METAP1: variants seen among roughly 807,000 people sequenced by gnomAD.
METAP1 encodes methionine aminopeptidase 1.
In METAP1, 28 loss-of-function variants were observed where a neutral mutation model predicts 53.8. The observed-to-expected ratio is 0.52, with a 90% CI of 0.39 to 0.71. The LOEUF (loss-of-function observed/expected upper bound fraction) is 0.71, where lower values mean the gene tolerates loss of function less well. Ranked by LOEUF, METAP1 falls within the 30% of genes least tolerant of loss-of-function variation. The pLI, the probability that METAP1 is intolerant of heterozygous loss-of-function variation, is 0.00. For synonymous variants in METAP1, 181 were observed against 165.7 expected (o/e 1.09, Z -0.71); for missense variants, 389 against 479.8 (o/e 0.81, Z 1.77).
chr4:99,048,939 A>C, intron 9 of METAP1, 63 bp downstream of exon 9: 2 of 1,531,498 alleles, frequency 1.3e-6, no homozygotes, highest in Non-Finnish European at 1.8e-6. Context: ...TTATTCATAC[A>C]TTTAACAGTA....
chr4:99,055,001 C>T (rs1726992136), intron 9 of METAP1, among the ~76,000 whole-genome samples: 1 of 151,938 alleles, frequency 6.6e-6, no homozygotes, highest in African/African-American at 2.4e-5. Flanking sequence ...CAAATTGTGA[C>T]ACAGAGACAT....
At chr4:99,004,470 CACACACACACACAT>C (rs1294396128) in intron 1 of METAP1, among the ~76,000 whole-genome samples, 492 of 18,024 alleles carry the variant, frequency 0.027, 2 homozygotes, top group African/African-American at 0.07. Flanking sequence ...CACACACACA[CACACACACACACAT>C]ACACACACAC....
intron 7 of METAP1, 31 bp from the exon 8 acceptor site, chr4:99,045,148 A>G (rs1009944550): frequency 3.7e-6 from 6 of 1,601,120 alleles, no homozygotes; most frequent in South Asian, 1.1e-5. Context: ...GAAAATAAGT[A>G]TGGTCTTTAT....
intron 1 of METAP1, among the ~76,000 whole-genome samples, chr4:99,019,845 A>G (rs1029101274): frequency 6.6e-6 from 1 of 152,220 alleles, no homozygotes; most frequent in Non-Finnish European, 1.5e-5. Flanking sequence ...GTGGACTGTC[A>G]GGATCTAAAT....
intron 2 of METAP1, chr4:99,031,439 C>G (rs1725015711): frequency 6.3e-6 from 8 of 1,279,428 alleles, no homozygotes; most frequent in Non-Finnish European, 8.1e-6. Context: ...AATAAAAGAA[C>G]TCTAAGTAAT....
intron 1 of METAP1, among the ~76,000 whole-genome samples, chr4:99,013,410 C>G (rs1320939507): frequency 6.6e-6 from 1 of 152,160 alleles, no homozygotes; most frequent in African/African-American, 2.4e-5. Flanking sequence ...CATTATTCCC[C>G]TAGTTGGAAA....
chr4:99,049,943 A>G (rs1166370613), intron 9 of METAP1, among the ~76,000 whole-genome samples: 2 of 152,180 alleles, frequency 1.3e-5, no homozygotes, highest in East Asian at 1.9e-4. Flanking sequence ...CAATTTTTTT[A>G]AAGCAACTCT....
chr4:99,056,153 A>G (rs1727103015), intron 9 of METAP1, among the ~76,000 whole-genome samples: 5 of 152,200 alleles, frequency 3.3e-5, no homozygotes, highest in Admixed American at 3.3e-4. Flanking sequence ...GGGCGGGCAA[A>G]TTTGCCATTC....
intron 1 of METAP1, 133 bp downstream of exon 1, chr4:98,996,000 C>T (rs1231170885): frequency 2.2e-5 from 16 of 724,350 alleles, no homozygotes; most frequent in Non-Finnish European, 3.5e-5. Flanking sequence ...TTTCCTCCTC[C>T]CCCCACCCGC....
intron 1 of METAP1, among the ~76,000 whole-genome samples, chr4:98,998,879 C>A (rs577503612): frequency 6.6e-6 from 1 of 151,342 alleles, no homozygotes; most frequent in African/African-American, 2.4e-5. Flanking sequence ...GGTGCGATCT[C>A]GACTCACCGC....
At chr4:98,998,261 A>G (rs2004994) in intron 1 of METAP1, among the ~76,000 whole-genome samples, 138,795 of 152,310 alleles carry the variant, frequency 0.91, 63,452 homozygotes, top group East Asian at 1. Context: ...GGTGGCTCAC[A>G]CCTGTAATCT....
chr4:99,046,936 C>CAAAAA (rs56702946), intron 8 of METAP1, among the ~76,000 whole-genome samples: 230 of 82,152 alleles, frequency 2.8e-3, no homozygotes, highest in South Asian at 4.1e-3. Flanking sequence ...ACTGAAGAAA[C>CAAAAA]AAAAAAAAAA....
At chr4:99,021,748 G>GACCTCACACTC (rs1451346774) in intron 1 of METAP1, among the ~76,000 whole-genome samples, 1 of 152,156 alleles carries the variant, frequency 6.6e-6, no homozygotes, top group African/African-American at 2.4e-5. Flanking sequence ...ACTGGGTTGG[G>GACCTCACACTC]TAATAATTTA....
intron 1 of METAP1, among the ~76,000 whole-genome samples, chr4:99,024,438 T>C (rs537687853): frequency 6.6e-6 from 1 of 152,128 alleles, no homozygotes; most frequent in Admixed American, 6.5e-5. Flanking sequence ...ACGGATAATT[T>C]GGTTGGGGGG....
At chr4:99,044,777 T>C (rs1040281329) in intron 7 of METAP1, among the ~76,000 whole-genome samples, 12 of 152,182 alleles carry the variant, frequency 7.9e-5, no homozygotes, top group African/African-American at 1.7e-4. Flanking sequence ...TTTTCTGTTA[T>C]TCCCTAGCAG....
intron 1 of METAP1, among the ~76,000 whole-genome samples, chr4:99,005,315 A>T (rs1723123956): frequency 6.6e-6 from 1 of 152,236 alleles, no homozygotes; most frequent in Admixed American, 6.5e-5. Flanking sequence ...TCTCATCAAA[A>T]AGTGGGCAAA....
At chr4:98,997,075 C>G (rs115833694) in intron 1 of METAP1, among the ~76,000 whole-genome samples, 1,538 of 152,180 alleles carry the variant, frequency 0.01, 14 homozygotes, top group Non-Finnish European at 0.016. Flanking sequence ...AATGTAAAGT[C>G]CTTTATTTTT....
intron 9 of METAP1, among the ~76,000 whole-genome samples, chr4:99,052,458 T>TA (rs1726780758): frequency 6.6e-6 from 1 of 152,270 alleles, no homozygotes; most frequent in South Asian, 2.1e-4. Flanking sequence ...TCAGGGAACT[T>TA]ACAATCATGG....
intron 1 of METAP1, among the ~76,000 whole-genome samples, chr4:99,004,476 C>CATAA (rs1553939982): frequency 1.8e-4 from 3 of 16,888 alleles, no homozygotes; most frequent in African/African-American, 7.0e-4. Context: ...CACACACACA[C>CATAA]ACACACATAC....
Sources: gnomAD v4.1 joint callset for allele counts (sites outside exome capture counted in the v4.1 genomes callset) on GRCh38, gnomAD v4.1.1 for gene constraint, MANE v1.5 for transcripts, NCBI Gene and HGNC (gene_info 2026-07-23, HGNC 2026-07-21) for gene names.